CMYA5: variants seen among roughly 807,000 people sequenced by gnomAD.
CMYA5 encodes the protein cardiomyopathy associated 5.
In CMYA5, 246 loss-of-function variants were observed where a neutral mutation model predicts 318.9. The ratio of observed to expected loss-of-function variants is 0.77; its 90% confidence interval spans 0.70 to 0.86. The LOEUF is 0.86. Ranked by LOEUF, CMYA5 falls within the 40% of genes least tolerant of loss-of-function variation. The probability of loss-of-function intolerance (pLI) is 0.00; values close to 1 mark genes in which losing one functional copy is unlikely to be tolerated. For synonymous variants in CMYA5, 1,641 were observed against 1,729.5 expected, an observed-to-expected ratio of 0.95 and a Z score of 1.27; for missense variants, 4,589 against 4,678.2, an observed-to-expected ratio of 0.98 and a Z score of 0.56.
At position 79,729,503 on chromosome 5, in the gene CMYA5, A is replaced by C. The variant is rs536694186; in HGVS notation, c.738A>C (p.Gly246=). Residue 246 remains glycine (G), a synonymous_variant, in exon 2 of 13, where the codon GGA becomes GGC. Coordinates refer to ENST00000446378, the MANE Select transcript of CMYA5 (RefSeq NM_153610.5). The part of the protein sequence containing the change: ...KEELIPLQFY[G]TLPKGYVIKE... ...AATTAATTCCTCTACAATTTTATGG[A>C]ACATTGCCAAAGGGTTATGTAATTA... The C allele has an allele frequency of 6.2e-7, 1 of 1,610,738 alleles. No individual in the cohort carries two copies. Among genetic ancestry groups the C allele is most frequent in the Non-Finnish European group, 8.5e-7 (1 of 1,178,030 alleles).
intron 1 of CMYA5, among the ~76,000 whole-genome samples, chr5:79,705,480 C>T (rs901273343): frequency 6.6e-6 from 1 of 151,618 alleles, no homozygotes; most frequent in East Asian, 1.9e-4. Flanking sequence ...ACACTGAAAC[C>T]CAAAGCTACC....
chr5:79,787,702 T>C (rs1320304606), intron 9 of CMYA5, among the ~76,000 whole-genome samples: 2 of 152,302 alleles, frequency 1.3e-5, no homozygotes, highest in East Asian at 3.9e-4. Context: ...CACAAGCAGG[T>C]CCAGGGTGTC....
At chr5:79,704,172 G>A (rs577867525) in intron 1 of CMYA5, among the ~76,000 whole-genome samples, 2 of 151,298 alleles carry the variant, frequency 1.3e-5, no homozygotes, top group African/African-American at 4.9e-5. Context: ...TAAAATTGCT[G>A]AGCATAATTT....
At position 79,745,413 on chromosome 5, in the gene CMYA5, C is replaced by T. The variant is rs548001473; in HGVS notation, c.10926C>T (p.Ile3642=). 7.4e-6 allele frequency: 12 copies of T among 1,613,924 alleles called. No homozygotes were observed. Among genetic ancestry groups the T allele is most frequent in the African/African-American group, 5.3e-5 (4 of 75,044 alleles). Residue 3642 remains isoleucine (I), a synonymous_variant, in exon 4 of 13, where the codon ATC becomes ATT. Transcript: ENST00000446378. The stretch of plus-strand genomic sequence containing the variant: ...CTGCCAAAGACACCCTGGAGACCAT[C>T]GTGAGAGAAGCAGAGGAGCTTGATG... ...MDTAKDTLET[I]VREAEELDEA...
intron 1 of CMYA5, among the ~76,000 whole-genome samples, chr5:79,698,718 C>T (rs1291574851): frequency 2.6e-5 from 4 of 152,350 alleles, no homozygotes; most frequent in African/African-American, 9.6e-5. Context: ...TTTCACATTG[C>T]GCTTCATAGC....
chr5:79,716,626 A>C (rs1301519480), intron 1 of CMYA5, among the ~76,000 whole-genome samples: 1 of 152,238 alleles, frequency 6.6e-6, no homozygotes, highest in Non-Finnish European at 1.5e-5. Context: ...ACAAGCTAAA[A>C]GATATGAATC....
rs929038470 is a variant in CMYA5, at chr5:79,738,999, C to T, written c.10234C>T (p.Leu3412Phe). Residue 3412 changes from leucine to phenylalanine, a missense_variant, in exon 2 of 13, where the codon CTC becomes TTC. Leu to Phe is a conservative substitution (Grantham distance 22). Transcript: ENST00000446378. The part of the protein sequence containing the change: ...LVPPEPSEER[L>F]RNSPVQDEYE... ...CCCACCTGAGCCAAGTGAAGAGAGG[C>T]TCCGTAATAGCCCTGTTCAGGATGA... The T allele has an allele frequency of 5.6e-6, 9 of 1,613,852 alleles. No individual in the cohort carries two copies. Among genetic ancestry groups the T allele is most frequent in the Non-Finnish European group, 7.6e-6 (9 of 1,179,832 alleles).
rs550906504 is a variant in CMYA5 at position 79,732,989 on chromosome 5, T to C, written c.4224T>C (p.Asp1408=). 6.2e-7 allele frequency: 1 copy of C among 1,613,412 alleles called. No individual in the cohort carries two copies. Among genetic ancestry groups the C allele is most frequent in the South Asian group, 1.1e-5 (1 of 90,990 alleles). ...SGLPPLVTSA[D]EHSVLAEEDK... ...TGCCACCACTGGTAACATCTGCAGA[T>C]GAACATTCAGTTCTTGCAGAAGAAG... The change falls in exon 2 of 13, where the codon GAT becomes GAC. Residue 1408 remains aspartate, a synonymous_variant. Transcript: ENST00000446378.
chr5:79,775,104 T>C (rs922464714), intron 9 of CMYA5, among the ~76,000 whole-genome samples: 9 of 152,206 alleles, frequency 5.9e-5, no homozygotes, highest in Admixed American at 5.2e-4. Context: ...CCAATCTGTA[T>C]GTGAAATTGT....
Position 79,738,018 on chromosome 5 carries a change from G to A in CMYA5, c.9253G>A (p.Glu3085Lys), listed in dbSNP as rs903789330. Residue 3085 changes from glutamate to lysine, a missense_variant, in exon 2 of 13, where the codon GAA becomes AAA. Physicochemically the swap from Glu to Lys is moderately conservative, Grantham distance 56. This residue lies in a region of CMYA5 where 2,431 missense variants were observed against 2,495.1 expected (regional missense o/e 0.97). Transcript: ENST00000446378. Reference sequence around the variant, plus strand: ...AAATGTTGAAGAGAAACTCTCAAAGGAAGTTACAGAAGAAACTATCTCTTT... The same window carrying A: ...AAATGTTGAAGAGAAACTCTCAAAGAAAGTTACAGAAGAAACTATCTCTTT... ...KLNVEEKLSK[E>K]VTEETISFPV... 6.2e-7 allele frequency: 1 copy of A among 1,613,510 alleles called. No homozygotes were observed.
At chr5:79,695,483 C>T (rs181857481) in intron 1 of CMYA5, among the ~76,000 whole-genome samples, 51 of 152,332 alleles carry the variant, frequency 3.3e-4, no homozygotes, top group African/African-American at 1.1e-3. Flanking sequence ...CAGCACACCT[C>T]AATTCATCCT....
At chr5:79,717,614 G>A (rs556666662) in intron 1 of CMYA5, among the ~76,000 whole-genome samples, 2 of 152,160 alleles carry the variant, frequency 1.3e-5, no homozygotes, top group African/African-American at 4.8e-5. Context: ...CCTATGTTTG[G>A]CTGGATTATA....
intron 12 of CMYA5, among the ~76,000 whole-genome samples, chr5:79,795,056 A>AT (rs1429246922): frequency 1.3e-5 from 2 of 152,196 alleles, no homozygotes; most frequent in Non-Finnish European, 2.9e-5. Flanking sequence ...GCCCACACCA[A>AT]GGGCTAACCT....
chr5:79,690,186 G>A (rs1826937068), intron 1 of CMYA5, 130 bp downstream of exon 1: 1 of 1,300,762 alleles, frequency 7.7e-7, no homozygotes, highest in African/African-American at 1.6e-5. Context: ...TGGGTGCACT[G>A]TCGTTTAAAA....
chr5:79,797,884 CCTT>C (rs961152619), intron 12 of CMYA5, among the ~76,000 whole-genome samples: 13 of 152,184 alleles, frequency 8.5e-5, no homozygotes, highest in African/African-American at 2.9e-4. Context: ...GGATTTTTCT[CCTT>C]CTTTTTCACC....
At position 79,729,701 on chromosome 5, in the gene CMYA5, G is replaced by T; in HGVS notation, c.936G>T (p.Glu312Asp). Residue 312 changes from glutamate to aspartate, a missense_variant, in exon 2 of 13, where the codon GAG (glutamate) becomes GAT (aspartate). Transcript: ENST00000446378. The part of the protein sequence containing the change: ...PWRGALSKGS[E>D]SLTLMFSHED... ...GAGGCGCACTCTCCAAAGGATCAGA[G>T]TCCCTAACCTTAATGTTCAGTCATG... is the stretch of plus-strand genomic sequence containing the variant. 6.2e-7 allele frequency: 1 copy of T among 1,613,924 alleles called. No homozygotes were observed. Among genetic ancestry groups the T allele is most frequent in the East Asian group, 2.2e-5 (1 of 44,874 alleles).
chr5:79,753,715 C>T (rs1372778534), intron 6 of CMYA5, among the ~76,000 whole-genome samples: 1 of 132,778 alleles, frequency 7.5e-6, no homozygotes, highest in East Asian at 2.0e-4. Context: ...AAAAAGGCTA[C>T]TGTATGTCTA....
intron 9 of CMYA5, among the ~76,000 whole-genome samples, chr5:79,774,061 A>G (rs560588676): frequency 6.6e-6 from 1 of 152,350 alleles, no homozygotes; most frequent in South Asian, 2.1e-4. Context: ...CCCCAGGTAT[A>G]ATGGCCTCTG....
At chr5:79,790,152 G>A (rs1353763493) in intron 10 of CMYA5, among the ~76,000 whole-genome samples, 1 of 152,156 alleles carries the variant, frequency 6.6e-6, no homozygotes, top group Non-Finnish European at 1.5e-5. Flanking sequence ...GGGCCAGCCT[G>A]ATGTTTATGA....
Sources: gnomAD v4.1 joint callset for allele counts (sites outside exome capture counted in the v4.1 genomes callset) on GRCh38, gnomAD v4.1.1 for gene constraint, gnomAD v4.1.1 regional missense constraint, MANE v1.5 for transcripts, NCBI Gene and HGNC (gene_info 2026-07-23, HGNC 2026-07-21) for gene names.